PROM1: variants seen among roughly 807,000 people sequenced by gnomAD.
PROM1 encodes the protein prominin 1, also known as prominin-1.
In PROM1, 105 loss-of-function variants were observed where a neutral mutation model predicts 116.9. That is an observed-to-expected ratio of 0.90 (90% CI 0.77 to 1.06). The LOEUF is 1.06. Ranked by LOEUF, PROM1 falls within the 50% of genes least tolerant of loss-of-function variation. The pLI is 0.00. For missense variants in PROM1, 1,122 were observed against 1,045.2 expected (o/e 1.07, Z -1.01); for synonymous variants, 393 against 387.0 (o/e 1.02, Z -0.18).
rs558156928 is a variant in PROM1, at chr4:15,976,185, G to A, written c.2582+3210C>T. On this transcript the variant is annotated intron_variant, in intron 26 of 27. Transcript: ENST00000447510. ...AGAACAATGGCATTTAATCTAGTTC[G>A]AATTTCAACACTAAAAGCCCAAGAT... The A allele has an allele frequency of 9.9e-4, 451 of 455,542 alleles. 2 individuals carry two copies. Among genetic ancestry groups the A allele is most frequent in the African/African-American group, 8.0e-3 (402 of 50,112 alleles). 28.2% of individuals were successfully genotyped at this position (455,542 alleles called of 1,614,324 possible). A position where few individuals can be genotyped will look rare whatever the true frequency, so the allele number is the denominator to read the frequency against.
chr4:15,979,581 T>A (rs949074747), intron 25 of PROM1, 118 bp from the exon 26 acceptor site: 166 of 1,390,394 alleles, frequency 1.2e-4, no homozygotes, highest in Non-Finnish European at 1.4e-4. Flanking sequence ...TTGTTAAATC[T>A]AAAAAAAAGA....
chr4:16,054,670 C>A (rs1411815272), intron 2 of PROM1, among the ~76,000 whole-genome samples: 1 of 152,098 alleles, frequency 6.6e-6, no homozygotes, highest in African/African-American at 2.4e-5. Flanking sequence ...TAGCAAGATG[C>A]CCAATACATA....
At chr4:16,011,369 T>C (rs1172824112) in intron 11 of PROM1, among the ~76,000 whole-genome samples, 1 of 152,162 alleles carries the variant, frequency 6.6e-6, no homozygotes, top group East Asian at 1.9e-4. Flanking sequence ...TGGCAGAGCC[T>C]GGCACAGAGT....
chr4:15,982,035 C>A (rs764093320), intron 23 of PROM1, among the ~76,000 whole-genome samples: 5 of 152,212 alleles, frequency 3.3e-5, no homozygotes, highest in Admixed American at 6.5e-5. Flanking sequence ...ACCTTATGGA[C>A]CAATCAGGAC....
intron 25 of PROM1, 144 bp from the exon 26 acceptor site, chr4:15,979,607 C>T (rs1243195818): frequency 6.0e-6 from 8 of 1,327,298 alleles, no homozygotes; most frequent in East Asian, 5.2e-5. Context: ...GAGTAATTGA[C>T]ATTTTGCTCC....
At chr4:15,970,148 A>T (rs1714056091) in intron 27 of PROM1, among the ~76,000 whole-genome samples, 1 of 151,872 alleles carries the variant, frequency 6.6e-6, no homozygotes, top group Non-Finnish European at 1.5e-5. Flanking sequence ...TTACTCTAAA[A>T]AAACACTTTC....
chr4:16,081,928 T>A (rs1171267901), intron 1 of PROM1, among the ~76,000 whole-genome samples: 1 of 134,370 alleles, frequency 7.4e-6, no homozygotes, highest in Non-Finnish European at 1.7e-5. Flanking sequence ...AAAACAAGAA[T>A]AAACTAAAGG....
intron 1 of PROM1, chr4:16,082,647 G>A (rs1486184309): frequency 6.6e-6 from 1 of 152,258 alleles, no homozygotes; most frequent in Admixed American, 6.5e-5. Flanking sequence ...GAGACTCCAG[G>A]AATTCGCAGC....
chr4:16,011,925 C>T (rs1158197668), intron 11 of PROM1, among the ~76,000 whole-genome samples: 1 of 152,164 alleles, frequency 6.6e-6, no homozygotes, highest in African/African-American at 2.4e-5. Context: ...AAAAGCAGCA[C>T]TAAAATGATT....
At chr4:15,993,457 G>A (rs1437427034) in intron 16 of PROM1, among the ~76,000 whole-genome samples, 2 of 152,168 alleles carry the variant, frequency 1.3e-5, no homozygotes, top group Non-Finnish European at 2.9e-5. Flanking sequence ...TCAAGACTGG[G>A]GTGTGGGCTC....
At chr4:16,032,466 G>A (rs976590492) in intron 5 of PROM1, among the ~76,000 whole-genome samples, 2 of 152,280 alleles carry the variant, frequency 1.3e-5, no homozygotes, top group Non-Finnish European at 2.9e-5. Flanking sequence ...TACTGAGCAC[G>A]TGTGGTGTTT....
At chr4:16,055,526 C>G (rs1320549917) in intron 2 of PROM1, 1 of 441,456 alleles carries the variant, frequency 2.3e-6, no homozygotes, top group African/African-American at 2.0e-5. Flanking sequence ...TCCCTAGAAC[C>G]AAATAGCCTA....
intron 2 of PROM1, among the ~76,000 whole-genome samples, chr4:16,050,240 G>A: frequency 6.6e-6 from 1 of 150,934 alleles, no homozygotes; most frequent in East Asian, 2.0e-4. Context: ...CAGCCTGGGT[G>A]ACAGAGCAAG....
intron 3 of PROM1, among the ~76,000 whole-genome samples, chr4:16,036,980 G>A (rs1265081351): frequency 6.6e-6 from 1 of 152,192 alleles, no homozygotes; most frequent in East Asian, 1.9e-4. Flanking sequence ...GCAAAGGCAA[G>A]GAAAGAGAGC....
Position 16,025,330 on chromosome 4 carries a change from G to A in PROM1, c.510-18C>T. On this transcript the variant is annotated intron_variant, in intron 5 of 27. Coordinates refer to ENST00000447510, the MANE Select transcript of PROM1 (RefSeq NM_006017.3). ...TGCCAATGCTGCAGGAAAAGGCAGA[G>A]AGAAGAAAGAGCATTTACTGTGTGG... 1.2e-6 allele frequency: 2 copies of A among 1,613,012 alleles called. No homozygotes were observed. The highest frequency in any genetic ancestry group is 1.7e-6 in the Non-Finnish European group (2 of 1,179,216).
rs1282267775 is a variant in PROM1 at position 16,016,236 on chromosome 4, G to A, written c.1007C>T (p.Pro336Leu). The change falls in exon 10 of 28, where the codon CCA (proline) becomes CTA (leucine). Residue 336 changes from proline to leucine, a missense_variant. Transcript: ENST00000447510. ...LNSNPELRQL[P>L]PVDAELDNVN... ...GTTGTCAAGTTCTGCATCCACGGGT[G>A]GAAGCTGAAAATTTATAAAACAAAA... is the stretch of plus-strand genomic sequence containing the variant. 1.3e-6 allele frequency: 2 copies of A among 1,548,672 alleles called. No homozygotes were observed. The highest frequency in any genetic ancestry group is 1.7e-6 in the Non-Finnish European group (2 of 1,146,422).
intron 2 of PROM1, among the ~76,000 whole-genome samples, chr4:16,057,037 T>C (rs1215866048): frequency 3.9e-5 from 6 of 152,270 alleles, no homozygotes; most frequent in African/African-American, 1.4e-4. Context: ...CTGTCATTTC[T>C]GAAGTCAGGG....
intron 18 of PROM1, among the ~76,000 whole-genome samples, chr4:15,991,003 A>G (rs545496518): frequency 6.6e-6 from 1 of 152,190 alleles, no homozygotes; most frequent in Non-Finnish European, 1.5e-5. Context: ...CCTGCCCTGC[A>G]TCAACCCGAC....
At position 15,969,283 on chromosome 4, in the gene PROM1, T is replaced by C. The variant is rs1157251369; in HGVS notation, c.*110A>G. On this transcript the variant is annotated 3_prime_UTR_variant, in exon 28 of 28. Coordinates refer to ENST00000447510, the MANE Select transcript of PROM1 (RefSeq NM_006017.3). The stretch of plus-strand genomic sequence containing the variant: ...CCCGCCTGAGTCACTACGTTGCCAC[T>C]GGCGTTGCTCCTGGATTTGGAAAGT... The C allele has an allele frequency of 1.3e-5, 2 of 152,214 alleles. No individual in the cohort carries two copies. The highest frequency in any genetic ancestry group is 4.8e-5 in the African/African-American group (2 of 41,436). The allele number at this position is 152,214 out of a possible 1,614,324, so 9.4% of individuals were successfully genotyped here.
Sources: gnomAD v4.1 joint callset for allele counts (sites outside exome capture counted in the v4.1 genomes callset) on GRCh38, gnomAD v4.1.1 for gene constraint, MANE v1.5 for transcripts, NCBI Gene and HGNC (gene_info 2026-07-23, HGNC 2026-07-21) for gene names.